The following RUVBL1 variants were observed in gnomAD, a reference collection of about 807,000 sequenced individuals.
The protein encoded by RUVBL1 is ruvB-like 1.
In RUVBL1, 4 loss-of-function variants were observed where a neutral mutation model predicts 52.4. The ratio of observed to expected loss-of-function variants is 0.08; its 90% CI spans 0.04 to 0.17. RUVBL1 has a LOEUF of 0.17. Among genes scored for constraint, RUVBL1 ranks in the 10% least tolerant of loss-of-function variants. RUVBL1 has a pLI of 1.00. For synonymous variants in RUVBL1, 217 were observed against 214.4 expected, an observed-to-expected ratio of 1.01 and a Z score of -0.10; for missense variants, 298 against 572.8, an observed-to-expected ratio of 0.52 and a Z score of 4.90.
intron 9 of RUVBL1, chr3:128,069,362 C>T: frequency 1.0e-6 from 1 of 974,072 alleles, no homozygotes; most frequent in Non-Finnish European, 1.5e-6. Context: ...TTCTAGGAGA[C>T]AGCAGAGGGG....
Position 128,112,966 on chromosome 3 carries a change from G to A in RUVBL1, c.283C>T (p.Pro95Ser). The A allele has an allele frequency of 6.2e-7, 1 of 1,614,010 alleles. No individual in the cohort carries two copies. The highest frequency in any genetic ancestry group is 8.5e-7 in the Non-Finnish European group (1 of 1,180,002). ...GAGTAAACTTCACTCCCCACCATTGGGCAGAAGGGGACCTTACTACCCAGC... is the reference window on the plus strand; with the variant it reads ...GAGTAAACTTCACTCCCCACCATTGAGCAGAAGGGGACCTTACTACCCAGC... ...QELGSKVPFC[P>S]MVGSEVYSTE... is the part of the protein sequence containing the mutation. The change falls in exon 3 of 11, where the codon CCA becomes TCA. Residue 95 changes from proline (P) to serine (S), a missense_variant. Physicochemically the swap from Pro to Ser is moderately conservative, Grantham distance 74. This residue lies in a region of RUVBL1 where 71 missense variants were observed against 125.7 expected (regional missense o/e 0.57). Transcript: ENST00000322623.
intron 9 of RUVBL1, among the ~76,000 whole-genome samples, chr3:128,086,545 G>A (rs749744268): frequency 2.6e-5 from 4 of 152,218 alleles, no homozygotes; most frequent in Admixed American, 6.5e-5. Flanking sequence ...TTGGGGCAAA[G>A]GTGGGCAGGG....
In RUVBL1 at chr3:128,081,519, G is replaced by T; in HGVS notation, c.1212-110C>A. The T allele has an allele frequency of 9.1e-7, 1 of 1,095,800 alleles. No homozygotes were observed. The highest frequency in any genetic ancestry group is 1.3e-6 in the Non-Finnish European group (1 of 770,230). 67.9% of individuals were successfully genotyped at this position (1,095,800 alleles called of 1,614,324 possible). A position where few individuals can be genotyped will look rare whatever the true frequency, so the allele number is the denominator to read the frequency against. On this transcript the variant is annotated intron_variant, in intron 10 of 10. Transcript: ENST00000322623. This position sits in a 1 kb window ranked among gnomAD's most constrained non-coding sequence, Gnocchi z 4.8. ...CACCAGGAGCAGAGCCCAGTGCTGG[G>T]CTTGTGCCAGCTGCTACGAACACAG...
intron 7 of RUVBL1, among the ~76,000 whole-genome samples, chr3:128,098,410 G>GA (rs996459868): frequency 2.0e-5 from 3 of 151,896 alleles, no homozygotes; most frequent in Non-Finnish European, 4.4e-5. Flanking sequence ...GGTGGAATTA[G>GA]AAAAAAAACA....
intron 1 of RUVBL1, among the ~76,000 whole-genome samples, chr3:128,135,921 A>AT (rs1943941377): frequency 6.6e-6 from 1 of 152,386 alleles, no homozygotes. Flanking sequence ...ACAGTATAAT[A>AT]AGATATATAT....
In RUVBL1 at chr3:128,087,725, G is replaced by C; in HGVS notation, c.1100C>G (p.Thr367Ser). Residue 367 changes from threonine to serine, a missense_variant, in exon 9 of 11, where the codon ACT becomes AGT. Physicochemically the swap from Thr to Ser is moderately conservative, Grantham distance 58. Around this residue, in one of 5 missense-constraint regions of RUVBL1, gnomAD observed 161 missense variants for 298.3 expected, o/e 0.54. Coordinates refer to ENST00000322623, the MANE Select transcript of RUVBL1 (RefSeq NM_003707.3). ...GCTCACCTGTTTCATTTCCTGTGGA[G>C]TATACAGCATGGTCCGGATTATCAT... ...RVMIIRTMLY[T>S]PQEMKQIIKI... is the part of the protein sequence containing the mutation. The C allele has an allele frequency of 6.2e-7, 1 of 1,613,570 alleles. No homozygotes were observed. The highest frequency in any genetic ancestry group is 8.5e-7 in the Non-Finnish European group (1 of 1,179,630).
At chr3:128,089,938 A>C (rs944779236) in intron 8 of RUVBL1, among the ~76,000 whole-genome samples, 9 of 116,312 alleles carry the variant, frequency 7.7e-5, no homozygotes, top group East Asian at 2.7e-4. Flanking sequence ...AAAAAAAAAA[A>C]AACACAGAAA....
intron 1 of RUVBL1, among the ~76,000 whole-genome samples, chr3:128,152,670 G>A (rs2107744172): frequency 6.6e-6 from 1 of 152,266 alleles, no homozygotes; most frequent in East Asian, 1.9e-4. Context: ...GTCCGGAGTT[G>A]GTTTCTTCCA....
intron 1 of RUVBL1, among the ~76,000 whole-genome samples, chr3:128,139,012 C>A (rs1943983396): frequency 6.6e-6 from 1 of 152,058 alleles, no homozygotes; most frequent in African/African-American, 2.4e-5. Flanking sequence ...TGAAACTAGA[C>A]CCCTATCTCT....
rs763399487 is a variant in RUVBL1 at position 128,081,230 on chromosome 3, T to G, written c.*20A>C. On this transcript the variant is annotated 3_prime_UTR_variant, in exon 11 of 11. Coordinates refer to ENST00000322623, the MANE Select transcript of RUVBL1 (RefSeq NM_003707.3). This position sits in a 1 kb window ranked among gnomAD's most constrained non-coding sequence, Gnocchi z 4.8. The stretch of plus-strand genomic sequence containing the variant: ...CAGGCACACCTGGGGAGTCTCTTAC[T>G]GCTGAAAACCTCAGCCATCTCACTT... 6.2e-7 allele frequency: 1 copy of G among 1,608,632 alleles called. No homozygotes were observed.
intron 5 of RUVBL1, among the ~76,000 whole-genome samples, 163 bp downstream of exon 5, chr3:128,101,396 T>A (rs982939344): frequency 2.0e-5 from 3 of 152,130 alleles, no homozygotes; most frequent in South Asian, 2.1e-4. Flanking sequence ...GCAAACTTTA[T>A]TATACATAAA....
chr3:128,124,019 C>G (rs1221364676), upstream of RUVBL1: 2 of 566,450 alleles, frequency 3.5e-6, no homozygotes, highest in African/African-American at 2.0e-5. Context: ...GACCACGCCC[C>G]GGATTTGATC....
rs1942495079 is a variant in RUVBL1 at position 128,082,189 on chromosome 3, T to C, written c.1211+294A>G. 2.7e-6 allele frequency: 1 copy of C among 365,836 alleles called. No homozygotes were observed. The highest frequency in any genetic ancestry group is 4.5e-5 in the Admixed American group (1 of 22,418). The allele number at this position is 365,836 out of a possible 1,614,324, so 22.7% of individuals were successfully genotyped here. On this transcript the variant is annotated intron_variant, in intron 10 of 10. Coordinates refer to ENST00000322623, the MANE Select transcript of RUVBL1 (RefSeq NM_003707.3). The surrounding 1 kb of genome is among the most constrained non-coding windows in gnomAD (Gnocchi z 4.7). Reference sequence around the variant, plus strand: ...GAGCTACCACATGGTCCCTGCTCTCTAGTTCTGTGCATCTTCTCTGCCACA... The same window carrying C: ...GAGCTACCACATGGTCCCTGCTCTCCAGTTCTGTGCATCTTCTCTGCCACA...
chr3:128,148,990 C>G (rs1162775255), intron 1 of RUVBL1, among the ~76,000 whole-genome samples: 1 of 151,926 alleles, frequency 6.6e-6, no homozygotes, highest in African/African-American at 2.4e-5. Flanking sequence ...AATAATGAAC[C>G]CCCAAGACCC....
At chr3:128,146,034 T>C (rs571510635) in intron 1 of RUVBL1, among the ~76,000 whole-genome samples, 91 of 152,024 alleles carry the variant, frequency 6.0e-4, no homozygotes, top group African/African-American at 2.1e-3. Context: ...AAGGAGAAAC[T>C]GGAGCAGGAT....
At chr3:128,119,711 C>T (rs1943600835) in intron 1 of RUVBL1, among the ~76,000 whole-genome samples, 1 of 152,160 alleles carries the variant, frequency 6.6e-6, no homozygotes, top group African/African-American at 2.4e-5. Flanking sequence ...GAAAGTGATC[C>T]TGGAGTGTCT....
At chr3:128,079,309 C>T (rs1247941218), downstream of RUVBL1, among the ~76,000 whole-genome samples, 1 of 152,212 alleles carries the variant, frequency 6.6e-6, no homozygotes, top group Non-Finnish European at 1.5e-5. Flanking sequence ...CAGAAGGAGG[C>T]AGTATGGCCC....
At chr3:128,152,984 GCCCACCCCGC>G (rs1944268548) in intron 1 of RUVBL1, among the ~76,000 whole-genome samples, 1 of 18,928 alleles carries the variant, frequency 5.3e-5, no homozygotes, top group Non-Finnish European at 8.5e-5. Flanking sequence ...TCTTCCCCCC[GCCCACCCCGC>G]CCCCCCCGCC....
rs1211140257 is a variant in RUVBL1 at position 128,123,510 on chromosome 3, C to A, written c.141+74G>T. 46 of 1,434,250 alleles carry A rather than the reference C, an allele frequency of 3.2e-5. No individual in the cohort carries two copies. In the Admixed American group the frequency reaches 1.0e-3, roughly 32 times the overall value. The allele number at this position is 1,434,250 out of a possible 1,614,324, so 88.8% of individuals were successfully genotyped here. On this transcript the variant is annotated intron_variant, in intron 1 of 10. Transcript: ENST00000322623. ...CCTGGCGCGCGCATCCCGCCCCGAG[C>A]CACCGACTTCAGCAGCTCTCTCGCC... is the stretch of plus-strand genomic sequence containing the variant.
Sources: gnomAD v4.1 joint callset for allele counts (sites outside exome capture counted in the v4.1 genomes callset) on GRCh38, gnomAD v4.1.1 for gene constraint, gnomAD v4.1.1 regional missense constraint, Gnocchi (gnomAD v3.1) non-coding constraint, MANE v1.5 for transcripts, NCBI Gene and HGNC (gene_info 2026-07-23, HGNC 2026-07-21) for gene names.